PRRT2: variants seen among roughly 807,000 people sequenced by gnomAD.
The protein encoded by PRRT2 is proline-rich transmembrane protein 2.
A neutral mutation model predicts 24.7 loss-of-function variants in PRRT2; 9 were observed. That is an observed-to-expected ratio of 0.36 (90% confidence interval 0.22 to 0.64). The LOEUF (loss-of-function observed/expected upper bound fraction) is 0.64. PRRT2 is among the 30% of genes least tolerant of loss of function. PRRT2 has a pLI of 0.65. For synonymous variants in PRRT2, 195 were observed against 175.5 expected (o/e 1.11, Z -0.88); for missense variants, 460 against 435.0 (o/e 1.06, Z -0.51).
At position 29,815,016 on chromosome 16, in the gene PRRT2, C is replaced by G. The variant is rs982936858; in HGVS notation, c.*378C>G. The G allele has an allele frequency of 2.1e-5, 5 of 241,656 alleles. No homozygotes were observed. The highest frequency in any genetic ancestry group is 1.1e-4 in the African/African-American group (5 of 44,294). The allele number at this position is 241,656 out of a possible 1,614,324, so 15.0% of individuals were successfully genotyped here. On this transcript the variant is annotated 3_prime_UTR_variant, in exon 4 of 4. Coordinates refer to ENST00000358758, the MANE Select transcript of PRRT2 (RefSeq NM_145239.3). ...GCCTCCCTGCACTTCTTCCAGCCCC[C>G]CAAATTCTCTGGACCTCCACCCTGG...
chr16:29,813,620 C>T lies in PRRT2; in HGVS notation c.566C>T (p.Ala189Val). ...QENGAVVPLQ[A>V]GDGEEGPAPE... ...AATGGGGCAGTGGTGCCCCTGCAGG[C>T]TGGTGATGGGGAAGAGGGCCCAGCC... Residue 189 changes from alanine to valine, a missense_variant, in exon 2 of 4, where the codon GCT becomes GTT. Ala to Val is a moderately conservative substitution (Grantham distance 64, BLOSUM62 0). Around this residue, in one of 3 missense-constraint regions of PRRT2, gnomAD observed 378 missense variants for 324.6 expected, o/e 1.16. Transcript: ENST00000358758. 6.2e-7 allele frequency: 1 copy of T among 1,613,240 alleles called. No individual in the cohort carries two copies. The highest frequency in any genetic ancestry group is 8.5e-7 in the Non-Finnish European group (1 of 1,179,630).
In PRRT2 at chr16:29,815,421, A is replaced by G. The variant is rs975827638; in HGVS notation, c.*783A>G. ...CTGGTTCCGAACGCACGCAGGGGAGAAGGGAGGGACGCGGCGCTGACCCTT... is the reference window on the plus strand; with the variant it reads ...CTGGTTCCGAACGCACGCAGGGGAGGAGGGAGGGACGCGGCGCTGACCCTT... On this transcript the variant is annotated 3_prime_UTR_variant, in exon 4 of 4. Coordinates refer to ENST00000358758, the MANE Select transcript of PRRT2 (RefSeq NM_145239.3). 6.6e-6 allele frequency: 1 copy of G among 152,326 alleles called. No homozygotes were observed. Among genetic ancestry groups the G allele is most frequent in the Non-Finnish European group, 1.5e-5 (1 of 67,988 alleles). 9.4% of individuals were successfully genotyped at this position (152,326 alleles called of 1,614,324 possible).
At position 29,814,020 on chromosome 16, in the gene PRRT2, C is replaced by CT. The variant is rs367718613; in HGVS notation, c.879+89dup. On this transcript the variant is annotated intron_variant, in intron 2 of 3. Transcript: ENST00000358758. The surrounding 1 kb of genome is among the most constrained non-coding windows in gnomAD (Gnocchi z 4.1). ...AATAGAGCCTCTGGAGTAATCATGCCTTCCTTCCCCTCTCCTCTCTGCATG... is the reference window on the plus strand; with the variant it reads ...AATAGAGCCTCTGGAGTAATCATGCCTTTCCTTCCCCTCTCCTCTCTGCATG... The CT allele has an allele frequency of 3.0e-4, 456 of 1,504,364 alleles. 6 individuals carry two copies. The East Asian group carries it at 8.0e-3, about 26-fold the overall frequency. 93.2% of individuals were successfully genotyped at this position (1,504,364 alleles called of 1,614,324 possible). A position where few individuals can be genotyped will look rare whatever the true frequency, so the allele number is the denominator to read the frequency against.
rs765074483 is a variant in PRRT2, at chr16:29,813,253, C to T, written c.199C>T (p.Leu67=). 1.9e-6 allele frequency: 3 copies of T among 1,613,818 alleles called. No homozygotes were observed. ...APVDSGPKAG[L]APETTETPAG... is the part of the protein sequence containing the mutation. ...TGTGGACTCAGGGCCCAAGGCTGGGCTGGCTCCAGAAACCACAGAGACCCC... is the reference window on the plus strand; with the variant it reads ...TGTGGACTCAGGGCCCAAGGCTGGGTTGGCTCCAGAAACCACAGAGACCCC... The change falls in exon 2 of 4, where the codon CTG becomes TTG. Residue 67 remains leucine, a synonymous_variant. Transcript: ENST00000358758.
At chr16:29,812,954 C>T in intron 1 of PRRT2, 36 bp from the exon 2 acceptor site, 2 of 1,329,926 alleles carry the variant, frequency 1.5e-6, no homozygotes, top group East Asian at 2.3e-5. Flanking sequence ...GCGCCCTCTT[C>T]CCTCCTCACC....
At position 29,814,298 on chromosome 16, in the gene PRRT2, C is replaced by T. The variant is rs201034083; in HGVS notation, c.880-35C>T. ...CTTCTGGGCTGGCTTCTCCTGACCC[C>T]GGCTATGTGCCTCCACCCCTCGCCC... On this transcript the variant is annotated intron_variant, in intron 2 of 3. Transcript: ENST00000358758. The surrounding 1 kb of genome is among the most constrained non-coding windows in gnomAD (Gnocchi z 4.1). 8 of 1,556,542 alleles carry T rather than the reference C, an allele frequency of 5.1e-6. No individual in the cohort carries two copies. In the Admixed American group the frequency reaches 7.6e-5, roughly 15 times the overall value.
rs1316244955 is a variant in PRRT2, at chr16:29,814,966, T to C, written c.*328T>C. 1.5e-5 allele frequency: 5 copies of C among 331,706 alleles called. No individual in the cohort carries two copies. The highest frequency in any genetic ancestry group is 2.8e-5 in the Non-Finnish European group (5 of 180,420). The allele number at this position is 331,706 out of a possible 1,614,324, so 20.5% of individuals were successfully genotyped here. Reference sequence around the variant, plus strand: ...CCTGAACACCTCCCCAACTCTGCGCTCTCAGCCTCCCTGCATCTCTCCTGG... The same window carrying C: ...CCTGAACACCTCCCCAACTCTGCGCCCTCAGCCTCCCTGCATCTCTCCTGG... On this transcript the variant is annotated 3_prime_UTR_variant, in exon 4 of 4. Coordinates refer to ENST00000358758, the MANE Select transcript of PRRT2 (RefSeq NM_145239.3). This position sits in a 1 kb window ranked among gnomAD's most constrained non-coding sequence, Gnocchi z 4.1.
Position 29,813,817 on chromosome 16 carries a change from G to C in PRRT2, c.763G>C (p.Gly255Arg). 1 of 1,613,316 alleles carries C rather than the reference G, an allele frequency of 6.2e-7. No homozygotes were observed. Among genetic ancestry groups the C allele is most frequent in the South Asian group, 1.1e-5 (1 of 90,996 alleles). ...CCCCAGCTCCCAGTTGGCAGGTCCT[G>C]GGGTGGAGGGGGGTGAAGGCACCCA... ...RHPSSQLAGP[G>R]VEGGEGTQKP... The change falls in exon 2 of 4, where the codon GGG becomes CGG. Residue 255 changes from glycine (G) to arginine (R), a missense_variant. Physicochemically the swap from Gly to Arg is moderately radical, Grantham distance 125. Coordinates refer to ENST00000358758, the MANE Select transcript of PRRT2 (RefSeq NM_145239.3).
Position 29,813,111 on chromosome 16 carries a change from G to A in PRRT2, c.57G>A (p.Lys19=). ...SEMKGVEESP[K]VPGEGPGHSE... is the part of the protein sequence containing the mutation. Reference sequence around the variant, plus strand: ...TGAAGGGGGTTGAGGAGAGTCCCAAGGTTCCAGGCGAAGGGCCTGGCCATT... The same window carrying A: ...TGAAGGGGGTTGAGGAGAGTCCCAAAGTTCCAGGCGAAGGGCCTGGCCATT... Residue 19 remains lysine, a synonymous_variant, in exon 2 of 4, where the codon AAG becomes AAA. Coordinates refer to ENST00000358758, the MANE Select transcript of PRRT2 (RefSeq NM_145239.3). 1 of 1,613,860 alleles carries A rather than the reference G, an allele frequency of 6.2e-7. No homozygotes were observed.
Position 29,814,818 on chromosome 16 carries a change from A to G in PRRT2, c.*180A>G, listed in dbSNP as rs1055716271. On this transcript the variant is annotated 3_prime_UTR_variant, in exon 4 of 4. Coordinates refer to ENST00000358758, the MANE Select transcript of PRRT2 (RefSeq NM_145239.3). This position sits in a 1 kb window ranked among gnomAD's most constrained non-coding sequence, Gnocchi z 4.1. ...TGCATCTTGCCAGGCTCCTCTGCCA[A>G]CTGTAGGCCTGCCTCATCCCTGCAC... is the stretch of plus-strand genomic sequence containing the variant. The G allele has an allele frequency of 1.7e-5, 11 of 642,462 alleles. No individual in the cohort carries two copies. The highest frequency in any genetic ancestry group is 2.9e-5 in the Non-Finnish European group (11 of 377,558). The allele number at this position is 642,462 out of a possible 1,614,324, so 39.8% of individuals were successfully genotyped here.
At position 29,814,686 on chromosome 16, in the gene PRRT2, C is replaced by T. The variant is rs768812014; in HGVS notation, c.*48C>T. 12 of 1,576,178 alleles carry T rather than the reference C, an allele frequency of 7.6e-6. No individual in the cohort carries two copies. Among genetic ancestry groups the T allele is most frequent in the Admixed American group, 3.6e-5 (2 of 55,418 alleles). ...GACTTTTCTTCCTGTTGGGAGCTGC[C>T]TTGGGCCCATCCCTCCCCTGGGGGG... is the stretch of plus-strand genomic sequence containing the variant. On this transcript the variant is annotated 3_prime_UTR_variant, in exon 4 of 4. Transcript: ENST00000358758. This position sits in a 1 kb window ranked among gnomAD's most constrained non-coding sequence, Gnocchi z 4.1.
chr16:29,814,496 G>C lies in PRRT2; in HGVS notation c.1012+31G>C. Reference sequence around the variant, plus strand: ...TGGGGGCTTGGGACAGGCAGGGGAGGAATGGAAGGGTTGGCAAGGGCAGCT... The same window carrying C: ...TGGGGGCTTGGGACAGGCAGGGGAGCAATGGAAGGGTTGGCAAGGGCAGCT... On this transcript the variant is annotated intron_variant, in intron 3 of 3. Coordinates refer to ENST00000358758, the MANE Select transcript of PRRT2 (RefSeq NM_145239.3). This position sits in a 1 kb window ranked among gnomAD's most constrained non-coding sequence, Gnocchi z 4.1. 6.2e-7 allele frequency: 1 copy of C among 1,606,414 alleles called. No individual in the cohort carries two copies.
Position 29,813,036 on chromosome 16 carries a change from T to A in PRRT2, c.-19T>A, listed in dbSNP as rs767779067. 5.1e-6 allele frequency: 8 copies of A among 1,576,116 alleles called. No individual in the cohort carries two copies. In the South Asian group the frequency reaches 9.4e-5, roughly 19 times the overall value. ...TTCCATCCTCCCCATAGGGGCTCTCTCCCCTCTCCCATCTCAAGATGGCAG... is the reference window on the plus strand; with the variant it reads ...TTCCATCCTCCCCATAGGGGCTCTCACCCCTCTCCCATCTCAAGATGGCAG... On this transcript the variant is annotated 5_prime_UTR_variant, in exon 2 of 4. Transcript: ENST00000358758.
Position 29,814,512 on chromosome 16 carries a change from A to G in PRRT2, c.1012+47A>G. ...GCAGGGGAGGAATGGAAGGGTTGGC[A>G]AGGGCAGCTTTACTAACCCCTGCCC... On this transcript the variant is annotated intron_variant, in intron 3 of 3. Transcript: ENST00000358758. This position sits in a 1 kb window ranked among gnomAD's most constrained non-coding sequence, Gnocchi z 4.1. 1 of 1,606,848 alleles carries G rather than the reference A, an allele frequency of 6.2e-7. No individual in the cohort carries two copies. Among genetic ancestry groups the G allele is most frequent in the South Asian group, 1.1e-5 (1 of 90,190 alleles).
At position 29,815,669 on chromosome 16, in the gene PRRT2, A is replaced by C. The variant is rs1900206267; in HGVS notation, c.*1031A>C. 1 of 128,664 alleles carries C rather than the reference A, an allele frequency of 7.8e-6. No individual in the cohort carries two copies. Among genetic ancestry groups the C allele is most frequent in the Admixed American group, 9.3e-5 (1 of 10,724 alleles). 8.0% of individuals were successfully genotyped at this position (128,664 alleles called of 1,614,324 possible). ...GTTTGTTGCACGCGACAGCCCGCTG[A>C]GGAGGCGGGGACCGAGCTACAACGC... On this transcript the variant is annotated 3_prime_UTR_variant, in exon 4 of 4. Transcript: ENST00000358758.
Position 29,813,058 on chromosome 16 carries a change from G to A in PRRT2, c.4G>A (p.Ala2Thr), listed in dbSNP as rs1900055803. The A allele has an allele frequency of 6.3e-7, 1 of 1,596,268 alleles. No homozygotes were observed. Residue 2 changes from alanine (A) to threonine (T), a missense_variant, in exon 2 of 4, where the codon GCA (alanine) becomes ACA (threonine). Ala to Thr is a moderately conservative substitution (Grantham distance 58). Transcript: ENST00000358758. Reference protein sequence around the residue: MAASSSEISEMK... With the variant: MTASSSEISEMK... Reference sequence around the variant, plus strand: ...CTCTCCCCTCTCCCATCTCAAGATGGCAGCCAGCAGCTCTGAGATCTCTGA... The same window carrying A: ...CTCTCCCCTCTCCCATCTCAAGATGACAGCCAGCAGCTCTGAGATCTCTGA...
Position 29,813,694 on chromosome 16 carries a change from G to GCCC in PRRT2, c.647_649dup (p.Pro216dup). ...AAAAAAATCCCCCCCAGCCAATGGGGCCCCCCCCCGAGTGCTGCAGCAGCT... is the reference window on the plus strand; with the variant it reads ...AAAAAAATCCCCCCCAGCCAATGGGGCCCCCCCCCCCCGAGTGCTGCAGCAGCT... On this transcript the variant is annotated inframe_insertion, in exon 2 of 4. Coordinates refer to ENST00000358758, the MANE Select transcript of PRRT2 (RefSeq NM_145239.3). 3 of 1,505,482 alleles carry GCCC rather than the reference G, an allele frequency of 2.0e-6. No individual in the cohort carries two copies. The allele number at this position is 1,505,482 out of a possible 1,614,324, so 93.3% of individuals were successfully genotyped here. A position where few individuals can be genotyped will look rare whatever the true frequency, so the allele number is the denominator to read the frequency against.
At chr16:29,813,992 T>A in intron 2 of PRRT2, 59 bp downstream of exon 2, 1 of 1,528,620 alleles carries the variant, frequency 6.5e-7, no homozygotes. Flanking sequence ...CCGCCAGCGC[T>A]GCAATAGAGC....
rs1315461483 is a variant in PRRT2 at position 29,814,584 on chromosome 16, G to C, written c.1013-44G>C. ...CCTTACCTCTCCTTTGTCTCTCCTTGTCTCCCCCTCCCCCCGTCTGTCCTT... is the reference window on the plus strand; with the variant it reads ...CCTTACCTCTCCTTTGTCTCTCCTTCTCTCCCCCTCCCCCCGTCTGTCCTT... On this transcript the variant is annotated intron_variant, in intron 3 of 3. Coordinates refer to ENST00000358758, the MANE Select transcript of PRRT2 (RefSeq NM_145239.3). The surrounding 1 kb of genome is among the most constrained non-coding windows in gnomAD (Gnocchi z 4.1). The C allele has an allele frequency of 6.2e-7, 1 of 1,608,978 alleles. No homozygotes were observed. The highest frequency in any genetic ancestry group is 8.5e-7 in the Non-Finnish European group (1 of 1,176,190).
Sources: allele counts gnomAD v4.1 joint callset, GRCh38; gene constraint gnomAD v4.1.1; regional missense constraint gnomAD v4.1.1; non-coding constraint Gnocchi (gnomAD v3.1); transcripts MANE v1.5; gene names NCBI Gene and HGNC (gene_info 2026-07-23, HGNC 2026-07-21).